SMYD3: variants seen among roughly 807,000 people sequenced by gnomAD.
SMYD3 encodes the protein histone-lysine N-methyltransferase SMYD3.
In SMYD3, 36 loss-of-function variants were observed where a neutral mutation model predicts 57.7. That is an observed-to-expected ratio of 0.62 (90% CI 0.48 to 0.82). SMYD3 has a LOEUF of 0.82. Among genes scored for constraint, SMYD3 ranks in the 40% least tolerant of loss-of-function variants. The probability of loss-of-function intolerance (pLI) is 0.00; values close to 1 mark genes in which losing one functional copy is unlikely to be tolerated. For synonymous variants in SMYD3, 211 were observed against 195.0 expected (o/e 1.08, Z -0.68); for missense variants, 515 against 538.8 (o/e 0.96, Z 0.44).
chr1:246,481,406 A>T (rs1316811362), intron 1 of SMYD3, among the ~76,000 whole-genome samples: 4 of 151,200 alleles, frequency 2.6e-5, no homozygotes, highest in African/African-American at 9.7e-5. Context: ...GGGCCCAATT[A>T]GAACAAAAGA....
chr1:246,001,116 T>C (rs897550985), intron 5 of SMYD3, among the ~76,000 whole-genome samples: 1 of 152,176 alleles, frequency 6.6e-6, no homozygotes, highest in African/African-American at 2.4e-5. Context: ...ATGCAAATGA[T>C]ACTCTAAGGC....
intron 10 of SMYD3, among the ~76,000 whole-genome samples, chr1:245,784,069 C>T (rs1252851391): frequency 6.6e-6 from 1 of 152,210 alleles, no homozygotes; most frequent in African/African-American, 2.4e-5. Context: ...GGAACTAGAG[C>T]AGCTAGCACA....
At chr1:246,087,640 A>G (rs780478570) in intron 5 of SMYD3, among the ~76,000 whole-genome samples, 25 of 152,200 alleles carry the variant, frequency 1.6e-4, no homozygotes, top group Non-Finnish European at 3.2e-4. Flanking sequence ...ACTTTAGCCT[A>G]CCAACATAGC....
At chr1:246,416,174 C>T (rs1472100995) in intron 1 of SMYD3, among the ~76,000 whole-genome samples, 4 of 152,124 alleles carry the variant, frequency 2.6e-5, no homozygotes, top group Admixed American at 6.5e-5. Flanking sequence ...TTAAACTATG[C>T]TACTGGTAAT....
chr1:246,269,886 C>A (rs1291580450), intron 5 of SMYD3, among the ~76,000 whole-genome samples: 1 of 152,106 alleles, frequency 6.6e-6, no homozygotes, highest in Non-Finnish European at 1.5e-5. Context: ...AAGTATTATT[C>A]CTGAGTGACT....
intron 5 of SMYD3, among the ~76,000 whole-genome samples, chr1:246,015,988 T>C (rs1252283975): frequency 6.6e-6 from 1 of 152,208 alleles, no homozygotes; most frequent in Non-Finnish European, 1.5e-5. Flanking sequence ...CATTTTGAAA[T>C]GTGAGATCGA....
intron 10 of SMYD3, among the ~76,000 whole-genome samples, chr1:245,832,467 C>A (rs1450922857): frequency 7.9e-6 from 1 of 126,060 alleles, no homozygotes. Context: ...AGCTCCTCAT[C>A]GATTTAATGT....
At chr1:246,417,057 C>A (rs1414220658) in intron 1 of SMYD3, among the ~76,000 whole-genome samples, 1 of 152,150 alleles carries the variant, frequency 6.6e-6, no homozygotes. Flanking sequence ...CATAATACAA[C>A]AACCTCTGTT....
intron 10 of SMYD3, among the ~76,000 whole-genome samples, chr1:245,777,843 A>G (rs934989397): frequency 6.6e-6 from 1 of 152,234 alleles, no homozygotes; most frequent in East Asian, 1.9e-4. Context: ...TTACAAAACA[A>G]TACACCACAA....
At chr1:245,844,623 A>C (rs1164099993) in intron 10 of SMYD3, among the ~76,000 whole-genome samples, 5 of 125,204 alleles carry the variant, frequency 4.0e-5, no homozygotes, top group Non-Finnish European at 5.1e-5. Context: ...TTTTCTTCTG[A>C]TCTCTTTTAG....
At chr1:245,793,992 T>TA (rs765541923) in intron 10 of SMYD3, among the ~76,000 whole-genome samples, 69 of 152,140 alleles carry the variant, frequency 4.5e-4, no homozygotes, top group African/African-American at 9.6e-5. Context: ...CAACTGGGCT[T>TA]AAAAAAAACC....
At chr1:245,883,591 G>A (rs554146516) in intron 8 of SMYD3, among the ~76,000 whole-genome samples, 1 of 152,054 alleles carries the variant, frequency 6.6e-6, no homozygotes, top group Non-Finnish European at 1.5e-5. Flanking sequence ...GGGTCCCAAC[G>A]CTAAAAGACT....
At chr1:245,803,122 T>A (rs2047954326) in intron 10 of SMYD3, among the ~76,000 whole-genome samples, 1 of 152,220 alleles carries the variant, frequency 6.6e-6, no homozygotes, top group African/African-American at 2.4e-5. Context: ...TCACAGGACC[T>A]AATTTAATGG....
intron 10 of SMYD3, among the ~76,000 whole-genome samples, chr1:245,801,107 A>G (rs949662668): frequency 2.0e-5 from 3 of 152,226 alleles, no homozygotes; most frequent in African/African-American, 7.2e-5. Flanking sequence ...CTGGTGGACA[A>G]GCCAAATAAA....
intron 5 of SMYD3, among the ~76,000 whole-genome samples, chr1:246,092,285 T>G (rs1199472900): frequency 6.6e-6 from 1 of 152,152 alleles, no homozygotes; most frequent in East Asian, 1.9e-4. Flanking sequence ...AAATTTAAAT[T>G]GCTGTTCGAA....
At chr1:245,833,075 A>C (rs1160121129) in intron 10 of SMYD3, among the ~76,000 whole-genome samples, 1 of 136,568 alleles carries the variant, frequency 7.3e-6, no homozygotes, top group Admixed American at 7.4e-5. Flanking sequence ...AAAAAAAAAA[A>C]CCTGCTTTTA....
chr1:246,271,262 T>C (rs557762085), intron 5 of SMYD3, among the ~76,000 whole-genome samples: 5 of 152,234 alleles, frequency 3.3e-5, no homozygotes, highest in African/African-American at 7.2e-5. Context: ...CTTTTAACTG[T>C]TGATACTGTC....
chr1:246,028,353 C>T (rs571143847), intron 5 of SMYD3, among the ~76,000 whole-genome samples: 1 of 152,146 alleles, frequency 6.6e-6, no homozygotes, highest in African/African-American at 2.4e-5. Context: ...CTAAAGACTC[C>T]ACCAAAAAAC....
At chr1:246,393,012 G>GA (rs1319880629) in intron 1 of SMYD3, among the ~76,000 whole-genome samples, 1 of 151,938 alleles carries the variant, frequency 6.6e-6, no homozygotes, top group Non-Finnish European at 1.5e-5. Flanking sequence ...TGAGAAGAAA[G>GA]ATCCCTCATA....
Sources: allele counts gnomAD v4.1 joint callset (sites outside exome capture counted in the v4.1 genomes callset), GRCh38; gene constraint gnomAD v4.1.1; transcripts MANE v1.5; gene names NCBI Gene and HGNC (gene_info 2026-07-23, HGNC 2026-07-21).